LINC00305: variants seen among roughly 807,000 people sequenced by gnomAD.
LINC00305 encodes long intergenic non-protein coding RNA 305.
At chr18:64,147,010 C>G (rs1478955743) in intron 1 of LINC00305, among the ~76,000 whole-genome samples, 2 of 151,990 alleles carry the variant, frequency 1.3e-5, no homozygotes, top group Non-Finnish European at 2.9e-5. Flanking sequence ...ACTACTTTCC[C>G]AACGTTTTCT....
At chr18:64,082,563 C>T (rs2144890115) in intron 3 of LINC00305, among the ~76,000 whole-genome samples, 1 of 152,304 alleles carries the variant, frequency 6.6e-6, no homozygotes, top group Middle Eastern at 3.4e-3. Flanking sequence ...CTTTGGGCAG[C>T]TACAGTGGCA....
intron 1 of LINC00305, among the ~76,000 whole-genome samples, chr18:64,111,330 T>C (rs1003380669): frequency 2.0e-5 from 3 of 152,128 alleles, no homozygotes; most frequent in Non-Finnish European, 4.4e-5. Flanking sequence ...GTAAATCTCT[T>C]GGCGGAGAGG....
intron 1 of LINC00305, among the ~76,000 whole-genome samples, chr18:64,143,805 AT>A (rs2051483285): frequency 6.6e-6 from 1 of 151,734 alleles, no homozygotes; most frequent in African/African-American, 2.4e-5. Context: ...GCGTACATGT[AT>A]GTATACATAT....
chr18:64,136,907 A>ATGAGGT (rs2051437360), intron 1 of LINC00305, among the ~76,000 whole-genome samples: 1 of 128 alleles, frequency 7.8e-3, no homozygotes, highest in African/African-American at 0.029. Context: ...TACGTAAGAC[A>ATGAGGT]TGAAGGATAG....
intron 3 of LINC00305, among the ~76,000 whole-genome samples, chr18:64,081,856 C>T (rs576129091): frequency 2.6e-5 from 4 of 152,268 alleles, no homozygotes; most frequent in South Asian, 2.1e-4. Context: ...GACATGACCA[C>T]ATGGTTTGGC....
chr18:64,109,703 C>A (rs1242709825), intron 1 of LINC00305, among the ~76,000 whole-genome samples: 2 of 152,042 alleles, frequency 1.3e-5, no homozygotes, highest in Non-Finnish European at 2.9e-5. Flanking sequence ...TCAGAAATAT[C>A]TTGGTTTTTT....
chr18:64,096,341 C>T (rs1249049663), intron 3 of LINC00305, among the ~76,000 whole-genome samples: 11 of 151,710 alleles, frequency 7.3e-5, no homozygotes, highest in Non-Finnish European at 4.4e-5. Context: ...CAAAATGGTT[C>T]TAAAATGTAA....
At chr18:64,109,713 T>A (rs1245398590) in intron 1 of LINC00305, among the ~76,000 whole-genome samples, 2 of 152,220 alleles carry the variant, frequency 1.3e-5, no homozygotes, top group African/African-American at 2.4e-5. Flanking sequence ...CTTGGTTTTT[T>A]TTTCCTGTCA....
intron 3 of LINC00305, among the ~76,000 whole-genome samples, chr18:64,086,344 T>C (rs1480690258): frequency 6.6e-6 from 1 of 152,202 alleles, no homozygotes; most frequent in Non-Finnish European, 1.5e-5. Flanking sequence ...TCAAAATATA[T>C]GTCATATCAA....
intron 1 of LINC00305, among the ~76,000 whole-genome samples, chr18:64,125,591 A>G (rs1415015192): frequency 6.6e-6 from 1 of 151,734 alleles, no homozygotes; most frequent in East Asian, 1.9e-4. Flanking sequence ...AAATATATAC[A>G]TACATGTGTA....
rs564750936 is a variant in LINC00305 at position 64,108,828 on chromosome 18, A to T, written n.315-10188T>A. ...CACTTATCTGTCTGTGTAAAAATAT[A>T]TAGGGTAGAGCCTTGGCAAAGACTG... is the stretch of plus-strand genomic sequence containing the variant. On this transcript the variant is annotated intron_variant and non_coding_transcript_variant, in intron 1 of 3. Coordinates refer to ENST00000666468, the Ensembl canonical transcript of LINC00305. 3.9e-5 allele frequency among the ~76,000 whole-genome samples: 6 copies of T among 152,364 alleles called. No homozygotes were observed. In the East Asian group the frequency reaches 9.6e-4, roughly 24 times the overall value.
chr18:64,105,065 C>CT (rs1368914256), intron 1 of LINC00305, among the ~76,000 whole-genome samples: 1 of 152,038 alleles, frequency 6.6e-6, no homozygotes, highest in Non-Finnish European at 1.5e-5. Context: ...TTTGGGTGCT[C>CT]TAAGACCTCA....
At chr18:64,117,496 T>G (rs2051342949) in intron 1 of LINC00305, among the ~76,000 whole-genome samples, 1 of 152,234 alleles carries the variant, frequency 6.6e-6, no homozygotes, top group Admixed American at 6.5e-5. Flanking sequence ...TGTCTTGTGC[T>G]ATTTTCTTAC....
intron 1 of LINC00305, among the ~76,000 whole-genome samples, chr18:64,107,301 T>C (rs2051295345): frequency 1.3e-5 from 2 of 152,232 alleles, no homozygotes; most frequent in South Asian, 4.1e-4. Context: ...GGCCATGTGC[T>C]ACGAAACACT....
chr18:64,142,443 T>A (rs2095127548), intron 1 of LINC00305, among the ~76,000 whole-genome samples: 1 of 152,144 alleles, frequency 6.6e-6, no homozygotes, highest in African/African-American at 2.4e-5. Context: ...ATTGTGAGCC[T>A]CTTGGCACAA....
intron 1 of LINC00305, among the ~76,000 whole-genome samples, chr18:64,121,939 T>G (rs1196096988): frequency 2.0e-5 from 3 of 152,176 alleles, no homozygotes; most frequent in Admixed American, 1.3e-4. Context: ...TAATAATTAG[T>G]GATGTTGAGC....
intron 3 of LINC00305, among the ~76,000 whole-genome samples, chr18:64,095,131 A>C (rs1255209695): frequency 2.0e-5 from 3 of 152,108 alleles, no homozygotes; most frequent in Admixed American, 1.3e-4. Flanking sequence ...AGCAAGGATG[A>C]CAAAAAATAC....
chr18:64,102,911 A>T (rs1400572), intron 1 of LINC00305, among the ~76,000 whole-genome samples: 1 of 152,058 alleles, frequency 6.6e-6, no homozygotes, highest in Admixed American at 6.6e-5. Context: ...CCCACCTCCA[A>T]CATTGGAGAT....
At chr18:64,092,570 A>G (rs1414495932) in intron 3 of LINC00305, among the ~76,000 whole-genome samples, 1 of 152,206 alleles carries the variant, frequency 6.6e-6, no homozygotes, top group Non-Finnish European at 1.5e-5. Context: ...TCAAACAAAC[A>G]AACAAAAAAC....
Sources: gnomAD v4.1 joint callset for allele counts (sites outside exome capture counted in the v4.1 genomes callset) on GRCh38, gnomAD v4.1.1 for gene constraint, MANE v1.5 for transcripts, NCBI Gene and HGNC (gene_info 2026-07-23, HGNC 2026-07-21) for gene names.